Variants in FAM13A observed in about 807,000 individuals in gnomAD.
FAM13A encodes protein FAM13A.
FAM13A carries 76 observed loss-of-function variants against 129.6 expected under a neutral mutation model. The ratio of observed to expected loss-of-function variants is 0.59; its 90% CI spans 0.49 to 0.71. FAM13A has a LOEUF of 0.71. FAM13A is among the 30% of genes least tolerant of loss of function. FAM13A has a pLI of 0.00. For synonymous variants in FAM13A, 443 were observed against 449.9 expected, an observed-to-expected ratio of 0.98 and a Z score of 0.20; for missense variants, 1,108 against 1,249.3, an observed-to-expected ratio of 0.89 and a Z score of 1.70.
intron 7 of FAM13A, chr4:88,822,862 A>T: frequency 1.6e-5 from 24 of 1,463,266 alleles, no homozygotes; most frequent in Non-Finnish European, 2.2e-5. Context: ...TGTACAACGG[A>T]CTCTACACAC....
At chr4:88,951,898 A>G (rs540083280) in intron 4 of FAM13A, among the ~76,000 whole-genome samples, 1 of 152,284 alleles carries the variant, frequency 6.6e-6, no homozygotes, top group Non-Finnish European at 1.5e-5. Context: ...TTTCCAACAG[A>G]GCCTAGTACT....
intron 1 of FAM13A, among the ~76,000 whole-genome samples, chr4:89,055,198 A>T (rs1330491890): frequency 2.0e-5 from 3 of 152,206 alleles, no homozygotes; most frequent in Non-Finnish European, 4.4e-5. Context: ...TGTGTGACTT[A>T]GTTCTCCCTT....
At chr4:88,858,552 A>G (rs1052036518) in intron 6 of FAM13A, among the ~76,000 whole-genome samples, 1 of 152,216 alleles carries the variant, frequency 6.6e-6, no homozygotes, top group African/African-American at 2.4e-5. Flanking sequence ...GTAGGGTGGA[A>G]TACGATCAGT....
chr4:88,781,854 C>T (rs62308737), intron 10 of FAM13A, among the ~76,000 whole-genome samples: 63 of 146,706 alleles, frequency 4.3e-4, no homozygotes, highest in East Asian at 7.9e-4. Context: ...GTGGGGGGAG[C>T]GGGGAGGGAT....
intron 5 of FAM13A, among the ~76,000 whole-genome samples, chr4:88,934,312 A>G (rs1390259153): frequency 1.3e-5 from 2 of 152,168 alleles, no homozygotes; most frequent in African/African-American, 2.4e-5. Context: ...CCATGAGAAT[A>G]TAAGAATCAT....
At chr4:89,002,251 A>C (rs1764358402) in intron 3 of FAM13A, among the ~76,000 whole-genome samples, 1 of 151,874 alleles carries the variant, frequency 6.6e-6, no homozygotes, top group African/African-American at 2.4e-5. Flanking sequence ...AAGTGGATGC[A>C]AGTGACTGGA....
At chr4:88,827,363 C>G (rs1023832027) in intron 7 of FAM13A, among the ~76,000 whole-genome samples, 5 of 152,192 alleles carry the variant, frequency 3.3e-5, no homozygotes, top group African/African-American at 1.2e-4. Flanking sequence ...TGCAATTACA[C>G]CTCTGGGGGC....
In FAM13A at chr4:88,737,356, G is replaced by T. The variant is rs1046075244; in HGVS notation, c.2646+116C>A. ...TAGCTACTGATTTTTAGGGAATGCT[G>T]TAAGAAGCCACCACCAAAAGGCCCG... On this transcript the variant is annotated intron_variant, in intron 21 of 23. Transcript: ENST00000264344. The T allele has an allele frequency of 2.2e-5, 18 of 829,666 alleles. No homozygotes were observed. In the South Asian group the frequency reaches 2.3e-4, roughly 10 times the overall value. The allele number at this position is 829,666 out of a possible 1,614,324, so 51.4% of individuals were successfully genotyped here.
intron 3 of FAM13A, among the ~76,000 whole-genome samples, chr4:88,998,932 G>A (rs573483828): frequency 6.6e-5 from 10 of 152,200 alleles, no homozygotes; most frequent in East Asian, 5.8e-4. Context: ...GAGGCCTCAC[G>A]TAAATTTCTC....
intron 3 of FAM13A, among the ~76,000 whole-genome samples, chr4:89,014,221 T>A (rs367948816): frequency 6.6e-6 from 1 of 152,208 alleles, no homozygotes; most frequent in Admixed American, 6.5e-5. Flanking sequence ...TCAGTAAGCC[T>A]ACCGTATTTG....
intron 1 of FAM13A, among the ~76,000 whole-genome samples, chr4:89,056,018 CA>C (rs955860102): frequency 1.4e-4 from 21 of 152,038 alleles, no homozygotes; most frequent in African/African-American, 3.4e-4. Context: ...GAAACACACA[CA>C]AAAAAAGAGG....
chr4:88,970,081 A>G (rs1171114847), intron 4 of FAM13A, among the ~76,000 whole-genome samples: 1 of 152,234 alleles, frequency 6.6e-6, no homozygotes, highest in Non-Finnish European at 1.5e-5. Flanking sequence ...GGCACTCAAT[A>G]AATATCTGCT....
rs116220992 is a variant in FAM13A, at chr4:88,914,811, C to T, written c.760-8349G>A. The stretch of plus-strand genomic sequence containing the variant: ...AGTTAATAAGTATTTTTTGAATGAA[C>T]GAATAAAACTGTCAACTTCACATTT... On this transcript the variant is annotated intron_variant, in intron 5 of 23. Coordinates refer to ENST00000264344, the MANE Select transcript of FAM13A (RefSeq NM_014883.4). 2.3e-3 allele frequency among the ~76,000 whole-genome samples: 351 copies of T among 152,214 alleles called. 4 individuals are homozygous for T. The highest frequency in any genetic ancestry group is 8.1e-3 in the African/African-American group (338 of 41,536).
chr4:88,843,769 CAG>C (rs1434457765), intron 7 of FAM13A, among the ~76,000 whole-genome samples: 2 of 152,190 alleles, frequency 1.3e-5, no homozygotes, highest in African/African-American at 4.8e-5. Flanking sequence ...GCCACAAGTG[CAG>C]AGAGCTGCAG....
chr4:88,917,902 T>C lies in FAM13A; in HGVS notation c.760-11440A>G, dbSNP rs114107775. Among the ~76,000 whole-genome samples, 1,134 of 152,278 alleles carry C rather than the reference T, an allele frequency of 7.4e-3. 19 individuals are homozygous for C. Among genetic ancestry groups the C allele is most frequent in the African/African-American group, 0.026 (1,062 of 41,568 alleles). ...CAAGAGCTTCCAAATATCAATCAGA[T>C]ACCCATTCACTATAATTTTGACCAG... On this transcript the variant is annotated intron_variant, in intron 5 of 23. Coordinates refer to ENST00000264344, the MANE Select transcript of FAM13A (RefSeq NM_014883.4).
At chr4:88,902,616 A>T (rs1747465765) in intron 6 of FAM13A, among the ~76,000 whole-genome samples, 1 of 152,206 alleles carries the variant, frequency 6.6e-6, no homozygotes, top group Non-Finnish European at 1.5e-5. Flanking sequence ...CCTCAAAATA[A>T]TAAGAGCCAT....
chr4:88,764,796 A>G (rs1049360799), intron 13 of FAM13A, among the ~76,000 whole-genome samples: 1 of 152,278 alleles, frequency 6.6e-6, no homozygotes, highest in African/African-American at 2.4e-5. Context: ...TTAATTTTGG[A>G]CATTTCAAAG....
intron 14 of FAM13A, among the ~76,000 whole-genome samples, chr4:88,756,849 G>C (rs1004639755): frequency 6.6e-6 from 1 of 151,568 alleles, no homozygotes; most frequent in East Asian, 1.9e-4. Flanking sequence ...AAAAAAAAAG[G>C]TCACTGAAAG....
intron 8 of FAM13A, among the ~76,000 whole-genome samples, chr4:88,802,628 A>C (rs759367262): frequency 4.6e-5 from 7 of 152,180 alleles, no homozygotes; most frequent in Non-Finnish European, 1.0e-4. Flanking sequence ...AAATTCCATA[A>C]AGTGATAACA....
Sources: gnomAD v4.1 joint callset for allele counts (sites outside exome capture counted in the v4.1 genomes callset) on GRCh38, gnomAD v4.1.1 for gene constraint, MANE v1.5 for transcripts, NCBI Gene and HGNC (gene_info 2026-07-23, HGNC 2026-07-21) for gene names.